Variants in CALN1 observed in about 807,000 individuals in gnomAD.
The protein encoded by CALN1 is calcium-binding protein 8.
CALN1 carries 17 observed loss-of-function variants against 30.6 expected under a neutral mutation model. The ratio of observed to expected loss-of-function variants is 0.56; its 90% CI spans 0.38 to 0.83. The LOEUF (loss-of-function observed/expected upper bound fraction) is 0.83, where lower values mean the gene tolerates loss of function less well. CALN1 is among the 40% of genes least tolerant of loss of function. The pLI, the probability that CALN1 is intolerant of heterozygous loss-of-function variation, is 0.00. For synonymous variants in CALN1, 156 were observed against 131.4 expected (o/e 1.19, Z -1.28); for missense variants, 291 against 354.9 (o/e 0.82, Z 1.45).
In CALN1 at chr7:72,068,152, G is replaced by A. The variant is rs566994849; in HGVS notation, c.388+37999C>T. ...AATGAACAACGATGGGGCAGGGTGA[G>A]GGGAGAGCAATTTCCCTACTTTTTA... is the stretch of plus-strand genomic sequence containing the variant. On this transcript the variant is annotated intron_variant, in intron 4 of 6. Transcript: ENST00000395275. Among the ~76,000 whole-genome samples the A allele has an allele frequency of 7.9e-5, 12 of 152,268 alleles. No homozygotes were observed. In the East Asian group the frequency reaches 2.3e-3, roughly 29 times the overall value.
chr7:71,881,707 A>T (rs900533612), intron 5 of CALN1, among the ~76,000 whole-genome samples: 1 of 152,094 alleles, frequency 6.6e-6, no homozygotes, highest in Non-Finnish European at 1.5e-5. Context: ...CCTTTGTATC[A>T]GGGTCCCAGT....
rs188471917 is a variant in CALN1, at chr7:71,992,546, T to C, written c.501+31111A>G. 1.4e-3 allele frequency among the ~76,000 whole-genome samples: 220 copies of C among 152,194 alleles called. 1 individual carries two copies. The highest frequency in any genetic ancestry group is 4.9e-3 in the African/African-American group (202 of 41,536). On this transcript the variant is annotated intron_variant, in intron 5 of 6. Coordinates refer to ENST00000395275, the MANE Select transcript of CALN1 (RefSeq NM_031468.4). ...AAGTTTTAAATTTTTCTTGCAGAGA[T>C]GGGGTCTTCCTATGTTGCCCAGGTT... is the stretch of plus-strand genomic sequence containing the variant.
In CALN1 at chr7:72,259,102, A is replaced by G. The variant is rs1465818553; in HGVS notation, c.244+19584T>C. Among the ~76,000 whole-genome samples the G allele has an allele frequency of 4.0e-5, 6 of 150,652 alleles. No homozygotes were observed. The East Asian group carries it at 1.2e-3, about 29-fold the overall frequency. ...TTTCAATTTAAAATATATTATTTAT[A>G]TATATATATATGTATGCATCAAAAA... On this transcript the variant is annotated intron_variant, in intron 3 of 6. Transcript: ENST00000395275.
upstream of CALN1, among the ~76,000 whole-genome samples, chr7:72,450,919 G>A (rs1017884118): frequency 2.6e-5 from 4 of 152,064 alleles, no homozygotes; most frequent in East Asian, 7.7e-4. Context: ...AGGAGCAGTG[G>A]CCTCAACTCT....
At chr7:71,983,441 A>T (rs1352496405) in intron 5 of CALN1, among the ~76,000 whole-genome samples, 1 of 152,242 alleles carries the variant, frequency 6.6e-6, no homozygotes, top group Non-Finnish European at 1.5e-5. Context: ...CTATTCACAC[A>T]TACACACACC....
At chr7:72,457,425 T>G in the CALN1 span, among the ~76,000 whole-genome samples, 1 of 152,164 alleles carries the variant, frequency 6.6e-6, no homozygotes, top group Non-Finnish European at 1.5e-5. Context: ...TCCAGCTACA[T>G]GAAACCACTT....
At chr7:72,381,793 A>G in intron 2 of CALN1, among the ~76,000 whole-genome samples, 1 of 152,154 alleles carries the variant, frequency 6.6e-6, no homozygotes, top group East Asian at 1.9e-4. Context: ...GGTGCAGCAA[A>G]CCACCATGGC....
At chr7:72,105,794 G>GGGGT (rs1807055940) in intron 4 of CALN1, among the ~76,000 whole-genome samples, 1 of 99,956 alleles carries the variant, frequency 1.0e-5, no homozygotes, top group African/African-American at 4.2e-5. Flanking sequence ...GAGGGGGGAG[G>GGGGT]GAGGGAGGGA....
At chr7:72,424,052 GA>G (rs1241296262) in intron 1 of CALN1, among the ~76,000 whole-genome samples, 1 of 151,868 alleles carries the variant, frequency 6.6e-6, no homozygotes, top group African/African-American at 2.4e-5. Flanking sequence ...AAGAAAGAAA[GA>G]AAATACATGC....
chr7:72,097,300 A>G (rs1027838442), intron 4 of CALN1, among the ~76,000 whole-genome samples: 3 of 152,218 alleles, frequency 2.0e-5, no homozygotes, highest in Non-Finnish European at 2.9e-5. Context: ...CTAGAACTTA[A>G]AGTGTAAAAA....
chr7:71,940,865 G>A (rs1436604128), intron 5 of CALN1, among the ~76,000 whole-genome samples: 1 of 152,118 alleles, frequency 6.6e-6, no homozygotes, highest in African/African-American at 2.4e-5. Context: ...ACCCGCTTCA[G>A]CCTCCCAAGG....
chr7:72,066,367 T>C (rs756500282), intron 4 of CALN1, among the ~76,000 whole-genome samples: 1 of 152,216 alleles, frequency 6.6e-6, no homozygotes, highest in Non-Finnish European at 1.5e-5. Context: ...CTAATTGCAG[T>C]AGCATCCAGC....
intron 3 of CALN1, among the ~76,000 whole-genome samples, chr7:72,277,303 T>C (rs1356880672): frequency 6.6e-6 from 1 of 152,224 alleles, no homozygotes; most frequent in Non-Finnish European, 1.5e-5. Context: ...AGCCTTAGCC[T>C]GAATTTGTGG....
intron 3 of CALN1, among the ~76,000 whole-genome samples, chr7:72,202,847 C>T (rs1791537782): frequency 6.6e-6 from 1 of 152,172 alleles, no homozygotes; most frequent in African/African-American, 2.4e-5. Flanking sequence ...CCAGCATACC[C>T]AAAGGGTTAT....
At chr7:72,433,308 C>T (rs1585723894) in intron 1 of CALN1, among the ~76,000 whole-genome samples, 1 of 152,204 alleles carries the variant, frequency 6.6e-6, no homozygotes, top group South Asian at 2.1e-4. Flanking sequence ...GGAATTCAAC[C>T]GAGCAGTCTC....
intron 3 of CALN1, among the ~76,000 whole-genome samples, chr7:72,205,551 A>AATATATACATATATATATATATATATAT (rs1554319584): frequency 1.3e-4 from 11 of 83,034 alleles, no homozygotes; most frequent in Admixed American, 9.8e-4. Context: ...GCAAAAAAAA[A>AATATATACATATATATATATATATATAT]ATATATATAT....
chr7:72,309,804 C>G (rs562067511), intron 2 of CALN1, among the ~76,000 whole-genome samples: 1 of 152,332 alleles, frequency 6.6e-6, no homozygotes, highest in South Asian at 2.1e-4. Flanking sequence ...TCTCTCTACT[C>G]TCTCCTGAAA....
At chr7:72,017,336 C>G (rs578010475) in intron 5 of CALN1, among the ~76,000 whole-genome samples, 8 of 152,150 alleles carry the variant, frequency 5.3e-5, no homozygotes, top group African/African-American at 1.9e-4. Flanking sequence ...GCTGCATATT[C>G]TCCCACCAGA....
chr7:71,981,565 A>C (rs1285685325), intron 5 of CALN1, among the ~76,000 whole-genome samples: 1 of 152,134 alleles, frequency 6.6e-6, no homozygotes, highest in Non-Finnish European at 1.5e-5. Flanking sequence ...GAGGCACAAT[A>C]ATCGCTTGAA....
Sources: gnomAD v4.1 joint callset for allele counts (sites outside exome capture counted in the v4.1 genomes callset) on GRCh38, gnomAD v4.1.1 for gene constraint, MANE v1.5 for transcripts, NCBI Gene and HGNC (gene_info 2026-07-23, HGNC 2026-07-21) for gene names.